TUBG1: variants seen among roughly 807,000 people sequenced by gnomAD.
TUBG1 encodes tubulin gamma-1 chain.
In TUBG1, 22 loss-of-function variants were observed where a neutral mutation model predicts 53.3. The observed-to-expected ratio is 0.41, with a 90% CI of 0.29 to 0.59. TUBG1 has a LOEUF of 0.59. Among genes scored for constraint, TUBG1 ranks in the 20% least tolerant of loss-of-function variants. The pLI, the probability that TUBG1 is intolerant of heterozygous loss-of-function variation, is 0.26. For synonymous variants in TUBG1, 198 were observed against 236.7 expected, an observed-to-expected ratio of 0.84 and a Z score of 1.50; for missense variants, 217 against 598.9, an observed-to-expected ratio of 0.36 and a Z score of 6.66.
chr17:42,614,837 C>A lies in TUBG1; in HGVS notation c.1159-7C>A, dbSNP rs944246738. The stretch of plus-strand genomic sequence containing the variant: ...CTTTGTAACCCCTGTTTTCTGCACA[C>A]CCCAAGCTCTTCGAGAGAACCTGTC... On this transcript the variant is annotated splice_region_variant and splice_polypyrimidine_tract_variant and intron_variant, in intron 10 of 10. Transcript: ENST00000251413. The surrounding 1 kb of genome is among the most constrained non-coding windows in gnomAD (Gnocchi z 5.1). 9.3e-6 allele frequency: 15 copies of A among 1,614,202 alleles called. No homozygotes were observed. The highest frequency in any genetic ancestry group is 1.3e-5 in the Non-Finnish European group (15 of 1,180,020).
At chr17:42,613,547 C>T in intron 6 of TUBG1, 100 bp from the exon 7 acceptor site, 1 of 1,570,536 alleles carries the variant, frequency 6.4e-7, no homozygotes, top group Non-Finnish European at 8.7e-7. Context: ...GTCTTTCTGG[C>T]CATGAAGCTC....
Position 42,609,804 on chromosome 17 carries a change from C to G in TUBG1, c.49+18C>G, listed in dbSNP as rs924053693. The G allele has an allele frequency of 2.1e-5, 32 of 1,550,646 alleles. No homozygotes were observed. In the Admixed American group the frequency reaches 6.3e-4, roughly 31 times the overall value. On this transcript the variant is annotated intron_variant, in intron 1 of 10. Coordinates refer to ENST00000251413, the MANE Select transcript of TUBG1 (RefSeq NM_001070.5). Reference sequence around the variant, plus strand: ...CAATCAGAGTGAGCGAAACTCCGGCCCCTCAGCTAGCCAGGTTCCTTAGGG... The same window carrying G: ...CAATCAGAGTGAGCGAAACTCCGGCGCCTCAGCTAGCCAGGTTCCTTAGGG...
rs150881434 is a variant in TUBG1 at position 42,613,129 on chromosome 17, T to A, written c.606+56T>A. 209 of 1,580,024 alleles carry A rather than the reference T, an allele frequency of 1.3e-4. 3 individuals carry two copies. In the East Asian group the frequency reaches 4.2e-3, roughly 31 times the overall value. ...TCAACACCCCATACCCACTCGAGTC[T>A]ATTAAATCATTTTCATGTATTTAAA... is the stretch of plus-strand genomic sequence containing the variant. On this transcript the variant is annotated intron_variant, in intron 6 of 10. Coordinates refer to ENST00000251413, the MANE Select transcript of TUBG1 (RefSeq NM_001070.5).
In TUBG1 at chr17:42,613,507, C is replaced by G. The variant is rs72826936; in HGVS notation, c.607-140C>G. ...AAATCCATTTTGAGCCCTCCTTTGC[C>G]CTAGGTCAGTGCAAATCTCTTTCCA... On this transcript the variant is annotated intron_variant, in intron 6 of 10. Coordinates refer to ENST00000251413, the MANE Select transcript of TUBG1 (RefSeq NM_001070.5). 2.3e-3 allele frequency: 2,958 copies of G among 1,265,802 alleles called. 7 individuals are homozygous for G. Among genetic ancestry groups the G allele is most frequent in the Non-Finnish European group, 3.1e-3 (2,738 of 890,020 alleles). 78.4% of individuals were successfully genotyped at this position (1,265,802 alleles called of 1,614,324 possible).
At chr17:42,613,826 T>G (rs888125418) in intron 7 of TUBG1, 23 bp from the exon 8 acceptor site, 9 of 1,613,946 alleles carry the variant, frequency 5.6e-6, no homozygotes, top group Non-Finnish European at 5.9e-6. Context: ...CTGAGGCCCA[T>G]AACATGGCAC....
chr17:42,613,611 T>G (rs745658636), intron 6 of TUBG1, 36 bp from the exon 7 acceptor site: 1 of 1,614,020 alleles, frequency 6.2e-7, no homozygotes, highest in Admixed American at 1.7e-5. Context: ...GTTTTTCTTA[T>G]CCCCATTGAT....
intron 5 of TUBG1, 59 bp from the exon 6 acceptor site, chr17:42,612,888 G>A: frequency 6.2e-7 from 1 of 1,603,228 alleles, no homozygotes; most frequent in South Asian, 1.1e-5. Context: ...TTGTTAGGGA[G>A]CGCCATGTTC....
chr17:42,610,731 T>A, intron 3 of TUBG1, 141 bp downstream of exon 3: 1 of 1,237,608 alleles, frequency 8.1e-7, no homozygotes, highest in Non-Finnish European at 1.1e-6. Context: ...GACTATGTAA[T>A]ATTGTCAAGC....
chr17:42,610,073 ATCT>A, intron 1 of TUBG1, 32 bp from the exon 2 acceptor site: 2 of 1,612,212 alleles, frequency 1.2e-6, no homozygotes, highest in Non-Finnish European at 1.7e-6. Flanking sequence ...GGACCTAGAT[ATCT>A]TCTTTCTCCC....
chr17:42,614,263 G>A lies in TUBG1; in HGVS notation c.847G>A (p.Ala283Thr). 1 of 1,613,960 alleles carries A rather than the reference G, an allele frequency of 6.2e-7. No homozygotes were observed. Among genetic ancestry groups the A allele is most frequent in the Non-Finnish European group, 8.5e-7 (1 of 1,179,872 alleles). ...YTPLTTDQSV[A>T]SVRKTTVLDV... ...CCCTGTCTCACTGTCCTATCAGGTG[G>A]CCAGCGTGAGGAAGACCACGGTCCT... is the stretch of plus-strand genomic sequence containing the variant. The change falls in exon 9 of 11, where the codon GCC becomes ACC. Residue 283 changes from alanine to threonine, a missense_variant. This residue lies in a region of TUBG1 where 135 missense variants were observed against 371.2 expected (regional missense o/e 0.36). Transcript: ENST00000251413. The surrounding 1 kb of genome is among the most constrained non-coding windows in gnomAD (Gnocchi z 5.1).
Position 42,612,419 on chromosome 17 carries a change from C to T in TUBG1, c.400-8C>T, listed in dbSNP as rs1032224198. 2.5e-6 allele frequency: 4 copies of T among 1,613,730 alleles called. No individual in the cohort carries two copies. Among genetic ancestry groups the T allele is most frequent in the Non-Finnish European group, 3.4e-6 (4 of 1,179,910 alleles). On this transcript the variant is annotated splice_polypyrimidine_tract_variant and splice_region_variant and intron_variant, in intron 4 of 10. Transcript: ENST00000251413. ...TACCTGTACACTGACTGCCCCTTCC[C>T]CATGCAGGGCTTTGTGCTGTGTCAC...
rs181355072 is a variant in TUBG1, at chr17:42,612,208, C to A, written c.399+65C>A. The A allele has an allele frequency of 2.6e-6, 4 of 1,551,968 alleles. No individual in the cohort carries two copies. In the East Asian group the frequency reaches 9.0e-5, roughly 35 times the overall value. On this transcript the variant is annotated intron_variant, in intron 4 of 10. Coordinates refer to ENST00000251413, the MANE Select transcript of TUBG1 (RefSeq NM_001070.5). Reference sequence around the variant, plus strand: ...AAGGCTTGGCAGCACCCTCTAGAAGCGACCTGTTAGGAACAAGACCCACTC... The same window carrying A: ...AAGGCTTGGCAGCACCCTCTAGAAGAGACCTGTTAGGAACAAGACCCACTC...
At chr17:42,610,783 C>T in intron 3 of TUBG1, 193 bp downstream of exon 3, 1 of 726,726 alleles carries the variant, frequency 1.4e-6, no homozygotes, top group East Asian at 2.8e-5. Context: ...ATTCTAAGTG[C>T]TTTACATATA....
At position 42,613,944 on chromosome 17, in the gene TUBG1, C is replaced by G; in HGVS notation, c.789C>G (p.Thr263=). The G allele has an allele frequency of 6.8e-6, 11 of 1,614,214 alleles. No homozygotes were observed. The highest frequency in any genetic ancestry group is 8.5e-6 in the Non-Finnish European group (10 of 1,180,038). The part of the protein sequence containing the change: ...LIGLIASLIP[T]PRLHFLMTGY... The stretch of plus-strand genomic sequence containing the variant: ...GCCTCATCGCCTCGCTCATTCCCAC[C>G]CCACGGCTCCACTTCCTCATGACCG... Residue 263 remains threonine (T), a synonymous_variant, in exon 8 of 11, where the codon ACC becomes ACG. Transcript: ENST00000251413.
At chr17:42,611,798 A>G (rs925054125) in intron 3 of TUBG1, among the ~76,000 whole-genome samples, 2 of 152,046 alleles carry the variant, frequency 1.3e-5, no homozygotes, top group African/African-American at 4.8e-5. Context: ...GGAGGTTGCC[A>G]TGAGCCAAGA....
In TUBG1 at chr17:42,612,936, A is replaced by G. The variant is rs375670114; in HGVS notation, c.480-11A>G. On this transcript the variant is annotated splice_polypyrimidine_tract_variant and intron_variant, in intron 5 of 10. Transcript: ENST00000251413. ...GTCTGTTGCCCTGATCCTTTCCCCA[A>G]CCCCCACCAGGTATCCTAAGAAGCT... The G allele has an allele frequency of 3.7e-6, 6 of 1,612,950 alleles. No individual in the cohort carries two copies. Among genetic ancestry groups the G allele is most frequent in the South Asian group, 1.1e-5 (1 of 91,032 alleles).
chr17:42,613,454 A>G (rs1040972756), intron 6 of TUBG1, among the ~76,000 whole-genome samples, 193 bp from the exon 7 acceptor site: 2 of 152,270 alleles, frequency 1.3e-5, no homozygotes, highest in African/African-American at 2.4e-5. Context: ...AAACTGTTTA[A>G]ATAATTAAGA....
intron 3 of TUBG1, 92 bp downstream of exon 3, chr17:42,610,682 G>A (rs2052024943): frequency 1.3e-6 from 2 of 1,573,068 alleles, no homozygotes; most frequent in Admixed American, 1.8e-5. Context: ...GATCAGGGAT[G>A]TATGAATGCT....
intron 3 of TUBG1, chr17:42,611,216 T>C: frequency 2.0e-5 from 3 of 152,322 alleles, no homozygotes; most frequent in Non-Finnish European, 2.9e-5. Context: ...GTGATCCACC[T>C]GCCTCGGCCT....
Sources: gnomAD v4.1 joint callset for allele counts (sites outside exome capture counted in the v4.1 genomes callset) on GRCh38, gnomAD v4.1.1 for gene constraint, gnomAD v4.1.1 regional missense constraint, Gnocchi (gnomAD v3.1) non-coding constraint, MANE v1.5 for transcripts, NCBI Gene and HGNC (gene_info 2026-07-23, HGNC 2026-07-21) for gene names.